The following LINGO1 variants were observed in gnomAD, a reference collection of about 807,000 sequenced individuals.
LINGO1 encodes the protein leucine-rich repeat and immunoglobulin-like domain-containing nogo receptor-interacting protein 1.
In LINGO1, 11 loss-of-function variants were observed where a neutral mutation model predicts 37.3. That is an observed-to-expected ratio of 0.29 (90% CI 0.19 to 0.49). The LOEUF is 0.49. LINGO1 is among the 20% of genes least tolerant of loss of function. The pLI is 0.99. For missense variants in LINGO1, 585 were observed against 878.2 expected, an observed-to-expected ratio of 0.67 and a Z score of 4.22; for synonymous variants, 387 against 403.0, an observed-to-expected ratio of 0.96 and a Z score of 0.48.
At chr15:77,711,232 T>C (rs558720713) in intron 2 of LINGO1, among the ~76,000 whole-genome samples, 1 of 152,382 alleles carries the variant, frequency 6.6e-6, no homozygotes, top group South Asian at 2.1e-4. Flanking sequence ...CCTTGAACAA[T>C]TGCTTCTTGC....
At chr15:77,789,752 C>T (rs2076803796), upstream of LINGO1, among the ~76,000 whole-genome samples, 1 of 152,146 alleles carries the variant, frequency 6.6e-6, no homozygotes, top group African/African-American at 2.4e-5. Flanking sequence ...TTGGAGGCAA[C>T]CAGCCCTGCT....
chr15:77,694,019 A>T (rs553960543), intron 1 of LINGO1, among the ~76,000 whole-genome samples: 1 of 152,276 alleles, frequency 6.6e-6, no homozygotes, highest in East Asian at 1.9e-4. Flanking sequence ...CATGAGAAGC[A>T]GTGAGTCTCC....
intron 1 of LINGO1, among the ~76,000 whole-genome samples, chr15:77,776,530 G>GGAAAGCAGGAAGGCAGGAAGGCAGGA (rs2076653137): frequency 5.8e-5 from 2 of 34,526 alleles, no homozygotes; most frequent in African/African-American, 2.2e-4. Flanking sequence ...GGGAGGAAGG[G>GGAAAGCAGGAAGGCAGGAAGGCAGGA]AGGGAGGGAG....
intron 2 of LINGO1, among the ~76,000 whole-genome samples, chr15:77,702,986 A>C (rs2075803956): frequency 6.6e-6 from 1 of 152,220 alleles, no homozygotes; most frequent in Non-Finnish European, 1.5e-5. Context: ...AGGGGACTGG[A>C]GAGAACCCAC....
intron 1 of LINGO1, among the ~76,000 whole-genome samples, chr15:77,739,806 G>T (rs2076242195): frequency 6.6e-6 from 1 of 152,240 alleles, no homozygotes; most frequent in Non-Finnish European, 1.5e-5. Context: ...GATACACAAA[G>T]GGAGCACAGC....
chr15:77,787,203 G>A (rs1159017056), upstream of LINGO1: 1 of 152,340 alleles, frequency 6.6e-6, no homozygotes, highest in African/African-American at 2.4e-5. Flanking sequence ...CAGGGAGCTG[G>A]GATCTCAGAA....
At chr15:77,648,681 A>G (rs1195405419) in intron 3 of LINGO1, 1 of 152,220 alleles carries the variant, frequency 6.6e-6, no homozygotes, top group East Asian at 1.9e-4. Context: ...AGGCCTTGCT[A>G]TGAAAGGGGG....
intron 1 of LINGO1, among the ~76,000 whole-genome samples, chr15:77,770,828 C>G (rs1567574143): frequency 6.6e-6 from 1 of 152,218 alleles, no homozygotes; most frequent in Non-Finnish European, 1.5e-5. Context: ...GCCTGGCAGG[C>G]TGCCATCCAG....
intron 1 of LINGO1, among the ~76,000 whole-genome samples, chr15:77,778,005 A>T (rs1052028279): frequency 2.0e-5 from 3 of 152,086 alleles, no homozygotes; most frequent in Non-Finnish European, 2.9e-5. Flanking sequence ...AGGGGAGGAA[A>T]GAAGGAAAGA....
At chr15:77,761,561 GTTAAGAT>G (rs2076477603) in intron 1 of LINGO1, among the ~76,000 whole-genome samples, 1 of 152,178 alleles carries the variant, frequency 6.6e-6, no homozygotes, top group Non-Finnish European at 1.5e-5. Context: ...GCTCCTTTGA[GTTAAGAT>G]GTCTAGACTA....
At chr15:77,662,505 C>A (rs2075017771) in intron 3 of LINGO1, among the ~76,000 whole-genome samples, 1 of 152,154 alleles carries the variant, frequency 6.6e-6, no homozygotes, top group Admixed American at 6.5e-5. Flanking sequence ...ACCCTCCACC[C>A]TCTCTTGAAG....
rs543764851 is a variant in LINGO1 at position 77,795,406 on chromosome 15, G to A, written c.-343+533C>T. Reference sequence around the variant, plus strand: ...TCTCCTCTGTTCACAGAGAGCCAAGGTCACCTGGCTGCCAATGACTGTCGC... The same window carrying A: ...TCTCCTCTGTTCACAGAGAGCCAAGATCACCTGGCTGCCAATGACTGTCGC... On this transcript the variant is annotated intron_variant, in intron 2 of 5. Coordinates refer to the LINGO1 transcript ENST00000562933. 9.9e-5 allele frequency among the ~76,000 whole-genome samples: 15 copies of A among 152,266 alleles called. No individual in the cohort carries two copies. In the South Asian group the frequency reaches 2.9e-3, roughly 29 times the overall value.
At chr15:77,774,732 C>T (rs1401524523) in intron 1 of LINGO1, among the ~76,000 whole-genome samples, 1 of 152,150 alleles carries the variant, frequency 6.6e-6, no homozygotes, top group East Asian at 1.9e-4. Flanking sequence ...GGCCATGCAG[C>T]AGAAGGAGAT....
chr15:77,621,485 G>A (rs147273182), intron 1 of LINGO1, among the ~76,000 whole-genome samples: 2 of 152,328 alleles, frequency 1.3e-5, no homozygotes, highest in South Asian at 2.1e-4. Context: ...AAAGCCAGAG[G>A]GGGGCAGAGC....
intron 1 of LINGO1, among the ~76,000 whole-genome samples, chr15:77,817,279 G>A (rs1477203857): frequency 6.6e-6 from 1 of 152,170 alleles, no homozygotes; most frequent in Non-Finnish European, 1.5e-5. Flanking sequence ...GGCCACCTGG[G>A]GAGGAAGTGG....
intron 1 of LINGO1, among the ~76,000 whole-genome samples, chr15:77,800,098 G>C (rs1464089601): frequency 6.6e-6 from 1 of 152,240 alleles, no homozygotes; most frequent in Non-Finnish European, 1.5e-5. Flanking sequence ...CTTCCTGATG[G>C]AGGAGGGACT....
intron 3 of LINGO1, chr15:77,667,765 T>C (rs1183360515): frequency 6.6e-6 from 1 of 152,196 alleles, no homozygotes; most frequent in African/African-American, 2.4e-5. Context: ...CATCCCTGCC[T>C]GTTTATTTGG....
intron 2 of LINGO1, among the ~76,000 whole-genome samples, chr15:77,794,799 C>A (rs1396337267): frequency 2.0e-5 from 3 of 151,858 alleles, no homozygotes; most frequent in Non-Finnish European, 4.4e-5. Flanking sequence ...ACCATGTTAG[C>A]CAGGATGGTC....
intron 2 of LINGO1, among the ~76,000 whole-genome samples, chr15:77,794,005 G>T (rs2076837870): frequency 6.6e-6 from 1 of 152,232 alleles, no homozygotes; most frequent in Admixed American, 6.5e-5. Flanking sequence ...GCTGACTGTG[G>T]CCCTCCTGCC....
Sources: allele counts gnomAD v4.1 joint callset (sites outside exome capture counted in the v4.1 genomes callset), GRCh38; gene constraint gnomAD v4.1.1; transcripts MANE v1.5; gene names NCBI Gene and HGNC (gene_info 2026-07-23, HGNC 2026-07-21).